Variants in TOGARAM1 observed in about 807,000 individuals in gnomAD.
TOGARAM1 encodes the protein TOG array regulator of axonemal microtubules 1, also known as TOG array regulator of axonemal microtubules protein 1.
TOGARAM1 carries 100 observed loss-of-function variants against 166.6 expected under a neutral mutation model. That is an observed-to-expected ratio of 0.60 (90% CI 0.51 to 0.71). TOGARAM1 has a LOEUF of 0.71. Ranked by LOEUF, TOGARAM1 falls within the 30% of genes least tolerant of loss-of-function variation. TOGARAM1 has a pLI of 0.00. For missense variants in TOGARAM1, 2,029 were observed against 2,102.7 expected, an observed-to-expected ratio of 0.96 and a Z score of 0.69; for synonymous variants, 758 against 763.8, an observed-to-expected ratio of 0.99 and a Z score of 0.13.
chr14:44,999,543 A>C, intron 3 of TOGARAM1, 46 bp downstream of exon 3: 1 of 1,490,936 alleles, frequency 6.7e-7, no homozygotes, highest in African/African-American at 1.4e-5. Context: ...TATAAATATT[A>C]TGTGGGGATT....
chr14:45,027,262 A>C, intron 8 of TOGARAM1, 37 bp from the exon 9 acceptor site: 1 of 1,605,040 alleles, frequency 6.2e-7, no homozygotes, highest in Non-Finnish European at 8.5e-7. Flanking sequence ...CCATCACATA[A>C]TTAGTTAATG....
intron 11 of TOGARAM1, among the ~76,000 whole-genome samples, chr14:45,042,891 T>C (rs1881797637): frequency 6.6e-6 from 1 of 152,178 alleles, no homozygotes; most frequent in South Asian, 2.1e-4. Flanking sequence ...TAAATATTAC[T>C]GCTCATTGAC....
intron 18 of TOGARAM1, among the ~76,000 whole-genome samples, chr14:45,069,126 T>C (rs1457081053): frequency 5.9e-5 from 9 of 152,132 alleles, no homozygotes; most frequent in African/African-American, 2.2e-4. Context: ...CCTTTGGGGT[T>C]GATCTGCCAA....
At chr14:45,033,837 A>T (rs1198822182) in intron 11 of TOGARAM1, among the ~76,000 whole-genome samples, 1 of 152,186 alleles carries the variant, frequency 6.6e-6, no homozygotes, top group East Asian at 1.9e-4. Context: ...AACGTGAAAG[A>T]TCTAACAAAA....
intron 1 of TOGARAM1, among the ~76,000 whole-genome samples, chr14:44,970,846 T>A (rs1885847762): frequency 6.6e-6 from 1 of 152,194 alleles, no homozygotes; most frequent in East Asian, 1.9e-4. Flanking sequence ...ATTAATTGAT[T>A]TTCAAATGTT....
Position 45,009,086 on chromosome 14 carries a change from T to C in TOGARAM1, c.3078T>C (p.Val1026=), listed in dbSNP as rs759286758. ...TCAATTCTTACAGTGAAAGTGGAGT[T>C]TACAGCCAAGAATCATTGACTTCTT... The part of the protein sequence containing the change: ...PNINSYSESG[V]YSQESLTSSL... Residue 1026 remains valine, a synonymous_variant, in exon 6 of 20, where the codon GTT becomes GTC. Coordinates refer to ENST00000361462, the MANE Select transcript of TOGARAM1 (RefSeq NM_001308120.2). 6.2e-7 allele frequency: 1 copy of C among 1,613,940 alleles called. No individual in the cohort carries two copies. The highest frequency in any genetic ancestry group is 1.3e-5 in the African/African-American group (1 of 74,904).
rs1465160241 is a variant in TOGARAM1 at position 45,032,315 on chromosome 14, C to A, written c.3751C>A (p.Pro1251Thr). The change falls in exon 11 of 20, where the codon CCA becomes ACA. Residue 1251 changes from proline (P) to threonine (T), a missense_variant. By Grantham distance (38) the Pro-to-Thr change is conservative. Around this residue, in one of 2 missense-constraint regions of TOGARAM1, gnomAD observed 576 missense variants for 670.5 expected, o/e 0.86. Coordinates refer to ENST00000361462, the MANE Select transcript of TOGARAM1 (RefSeq NM_001308120.2). Reference sequence around the variant, plus strand: ...AATAATGGATCTGTCAGAACTACGACCATTCTCTAAACCAGAAATAGCACT... The same window carrying A: ...AATAATGGATCTGTCAGAACTACGAACATTCTCTAAACCAGAAATAGCACT... ...PEIMDLSELR[P>T]FSKPEIALTE... The A allele has an allele frequency of 1.2e-6, 2 of 1,614,034 alleles. No individual in the cohort carries two copies.
intron 7 of TOGARAM1, chr14:45,025,579 A>C (rs972847211): frequency 2.5e-6 from 1 of 397,072 alleles, no homozygotes; most frequent in Admixed American, 4.5e-5. Flanking sequence ...AAAAAAAAAA[A>C]GGAAAGGAAG....
At chr14:44,980,721 G>T (rs1886484138) in intron 1 of TOGARAM1, among the ~76,000 whole-genome samples, 1 of 152,184 alleles carries the variant, frequency 6.6e-6, no homozygotes, top group African/African-American at 2.4e-5. Context: ...GATTACAAGA[G>T]TGAGGCAGGG....
chr14:45,068,712 CT>C (rs1470185019), intron 18 of TOGARAM1, 69 bp downstream of exon 18: 16 of 1,216,820 alleles, frequency 1.3e-5, no homozygotes, highest in South Asian at 3.4e-5. Context: ...TCCATCCATA[CT>C]TTTTTTGTAA....
intron 15 of TOGARAM1, among the ~76,000 whole-genome samples, chr14:45,053,466 A>G (rs1338482139): frequency 2.9e-5 from 4 of 139,144 alleles, no homozygotes; most frequent in Non-Finnish European, 5.9e-5. Flanking sequence ...ATTTAAAAAT[A>G]TGTTTAATTT....
intron 11 of TOGARAM1, chr14:45,042,470 CATAA>C (rs1169682163): frequency 6.6e-6 from 1 of 152,020 alleles, no homozygotes; most frequent in Non-Finnish European, 1.5e-5. Context: ...TACACATACA[CATAA>C]ATACATATAG....
chr14:45,071,073 C>T (rs1883357979), intron 18 of TOGARAM1, among the ~76,000 whole-genome samples: 1 of 152,048 alleles, frequency 6.6e-6, no homozygotes, highest in African/African-American at 2.4e-5. Context: ...AGGCACGCAC[C>T]ACCACGCCCA....
Position 44,962,415 on chromosome 14 carries a change from A to G in TOGARAM1, c.-7A>G. 1 of 1,546,364 alleles carries G rather than the reference A, an allele frequency of 6.5e-7. No individual in the cohort carries two copies. Among genetic ancestry groups the G allele is most frequent in the Non-Finnish European group, 8.7e-7 (1 of 1,149,926 alleles). On this transcript the variant is annotated 5_prime_UTR_variant, in exon 1 of 20. Transcript: ENST00000361462. ...TTCTTCCAACCACCACCACCTGACA[A>G]CCCTGCATGGCGGCTGCCCCCTCCG...
chr14:44,966,506 CA>C (rs1885547772), intron 1 of TOGARAM1, among the ~76,000 whole-genome samples: 1 of 152,014 alleles, frequency 6.6e-6, no homozygotes, highest in East Asian at 1.9e-4. Context: ...AAATTAATTA[CA>C]AAAAGAGTAA....
At chr14:44,967,301 A>G (rs1484172576) in intron 1 of TOGARAM1, among the ~76,000 whole-genome samples, 1 of 152,162 alleles carries the variant, frequency 6.6e-6, no homozygotes, top group Non-Finnish European at 1.5e-5. Context: ...TTCACAATAA[A>G]ATCCCTGCTA....
At chr14:45,011,153 C>G (rs1879765610) in intron 6 of TOGARAM1, among the ~76,000 whole-genome samples, 1 of 152,082 alleles carries the variant, frequency 6.6e-6, no homozygotes, top group Non-Finnish European at 1.5e-5. Context: ...TTTATAATGT[C>G]AGGAAAGTAC....
At chr14:45,029,165 G>T (rs1387166180) in intron 10 of TOGARAM1, among the ~76,000 whole-genome samples, 1 of 152,080 alleles carries the variant, frequency 6.6e-6, no homozygotes, top group African/African-American at 2.4e-5. Context: ...TACAATTGTG[G>T]CTGAAGATGT....
rs1161448813 is a variant in TOGARAM1 at position 44,983,424 on chromosome 14, T to C, written c.2047-12322T>C. 2.6e-5 allele frequency among the ~76,000 whole-genome samples: 4 copies of C among 152,172 alleles called. No homozygotes were observed. In the South Asian group the frequency reaches 6.2e-4, roughly 24 times the overall value. On this transcript the variant is annotated intron_variant, in intron 1 of 19. Transcript: ENST00000361462. ...TGTTTATCAAATTTTAATATGCAAA[T>C]GAATTGCCTTAGGATCTTGTTAAAA...
Sources: gnomAD v4.1 joint callset for allele counts (sites outside exome capture counted in the v4.1 genomes callset) on GRCh38, gnomAD v4.1.1 for gene constraint, gnomAD v4.1.1 regional missense constraint, MANE v1.5 for transcripts, NCBI Gene and HGNC (gene_info 2026-07-23, HGNC 2026-07-21) for gene names.